LOXL2: variants seen among roughly 807,000 people sequenced by gnomAD.
LOXL2 encodes lysyl oxidase homolog 2.
Under a neutral mutation model 93.0 loss-of-function variants are expected in LOXL2, and 70 were observed. That is an observed-to-expected ratio of 0.75 (90% CI 0.62 to 0.92). The LOEUF is 0.92. Among genes scored for constraint, LOXL2 ranks in the 40% least tolerant of loss-of-function variants. The pLI is 0.00. For missense variants in LOXL2, 973 were observed against 1,054.9 expected (o/e 0.92, Z 1.08); for synonymous variants, 438 against 413.2 (o/e 1.06, Z -0.73).
chr8:23,323,198 T>A (rs1008215251), intron 6 of LOXL2, among the ~76,000 whole-genome samples: 32 of 152,158 alleles, frequency 2.1e-4, no homozygotes, highest in African/African-American at 7.7e-4. Flanking sequence ...GCTGGAAGCA[T>A]CGAAGGACTA....
intron 5 of LOXL2, among the ~76,000 whole-genome samples, chr8:23,332,185 CA>C (rs1251236839): frequency 2.0e-5 from 3 of 149,790 alleles, no homozygotes; most frequent in Non-Finnish European, 4.5e-5. Context: ...CTCACACACA[CA>C]CACACACCCC....
chr8:23,367,856 G>A, intron 2 of LOXL2, 141 bp downstream of exon 2: 2 of 706,612 alleles, frequency 2.8e-6, no homozygotes, highest in Non-Finnish European at 4.7e-6. Context: ...GGGCACAGAA[G>A]GATGCCAGTC....
At chr8:23,301,849 C>T (rs1803137309) in intron 12 of LOXL2, among the ~76,000 whole-genome samples, 178 bp downstream of exon 12, 1 of 152,132 alleles carries the variant, frequency 6.6e-6, no homozygotes, top group African/African-American at 2.4e-5. Context: ...TTTCTCAGGC[C>T]CCCATGCCTG....
rs913475241 is a variant in LOXL2 at position 23,296,948 on chromosome 8, C to T, written c.*1095G>A. Among the ~76,000 whole-genome samples, 3 of 152,174 alleles carry T rather than the reference C, an allele frequency of 2.0e-5. No homozygotes were observed. The highest frequency in any genetic ancestry group is 7.2e-5 in the African/African-American group (3 of 41,436). On this transcript the variant is annotated 3_prime_UTR_variant, in exon 14 of 14. Coordinates refer to ENST00000389131, the MANE Select transcript of LOXL2 (RefSeq NM_002318.3). Reference sequence around the variant, plus strand: ...TCAAGAAAGATTATGACTCCTGTTCCGTTACTTTTTGTGATCTCCTTAGAT... The same window carrying T: ...TCAAGAAAGATTATGACTCCTGTTCTGTTACTTTTTGTGATCTCCTTAGAT...
chr8:23,315,970 G>C (rs1022134383), intron 9 of LOXL2, among the ~76,000 whole-genome samples: 1 of 152,182 alleles, frequency 6.6e-6, no homozygotes, highest in Non-Finnish European at 1.5e-5. Context: ...GCTTTCCCCC[G>C]GGGAGCTGGT....
At chr8:23,325,221 T>C (rs997314572) in intron 6 of LOXL2, among the ~76,000 whole-genome samples, 1 of 152,240 alleles carries the variant, frequency 6.6e-6, no homozygotes, top group African/African-American at 2.4e-5. Context: ...AAATACATTA[T>C]TAAAGCTAAC....
intron 3 of LOXL2, among the ~76,000 whole-genome samples, chr8:23,353,107 A>T (rs1464228025): frequency 6.6e-6 from 1 of 152,220 alleles, no homozygotes; most frequent in African/African-American, 2.4e-5. Context: ...CAGCCCAGCC[A>T]CAAGGCTTCC....
At chr8:23,340,175 T>C (rs1803858675) in intron 4 of LOXL2, among the ~76,000 whole-genome samples, 1 of 152,158 alleles carries the variant, frequency 6.6e-6, no homozygotes, top group Non-Finnish European at 1.5e-5. Context: ...CTTTCTCCAG[T>C]TTACTCAACT....
At chr8:23,309,135 C>G (rs1803280329) in intron 10 of LOXL2, among the ~76,000 whole-genome samples, 1 of 151,980 alleles carries the variant, frequency 6.6e-6, no homozygotes, top group African/African-American at 2.4e-5. Context: ...TAGGCATCCA[C>G]CACCATGCCC....
intron 3 of LOXL2, among the ~76,000 whole-genome samples, chr8:23,348,916 G>C (rs1804042233): frequency 1.3e-5 from 2 of 151,958 alleles, no homozygotes; most frequent in Admixed American, 6.6e-5. Context: ...CAACAACAGT[G>C]GCCTCCCAGA....
chr8:23,358,407 A>G (rs1804232351), intron 3 of LOXL2, among the ~76,000 whole-genome samples: 1 of 152,260 alleles, frequency 6.6e-6, no homozygotes, highest in African/African-American at 2.4e-5. Flanking sequence ...TAAAGGCCAC[A>G]GTCTTGGGAG....
chr8:23,344,188 C>T lies in LOXL2; in HGVS notation c.532-2985G>A, dbSNP rs536413116. ...CCAAGGGAGCTTGCTCTCGTTCCTG[C>T]GATGATGCGGGACAGTTTCCTCCGC... On this transcript the variant is annotated intron_variant, in intron 3 of 13. Transcript: ENST00000389131. Among the ~76,000 whole-genome samples the T allele has an allele frequency of 3.3e-5, 5 of 152,320 alleles. No homozygotes were observed. The South Asian group carries it at 1.0e-3, about 32-fold the overall frequency.
chr8:23,316,206 C>A (rs1803399634), intron 9 of LOXL2, among the ~76,000 whole-genome samples: 2 of 152,224 alleles, frequency 1.3e-5, no homozygotes, highest in South Asian at 4.1e-4. Context: ...AATTGTCACA[C>A]TTGATTTCTA....
chr8:23,362,100 G>C (rs796769841), intron 2 of LOXL2, among the ~76,000 whole-genome samples: 4 of 152,190 alleles, frequency 2.6e-5, no homozygotes, highest in African/African-American at 9.7e-5. Context: ...CCAAGAGGTG[G>C]AAGCAACCCA....
chr8:23,395,177 C>G (rs1441295373), intron 1 of LOXL2, among the ~76,000 whole-genome samples: 1 of 152,024 alleles, frequency 6.6e-6, no homozygotes, highest in Non-Finnish European at 1.5e-5. Flanking sequence ...TCGCTTGAAC[C>G]TGGGAGACGG....
In LOXL2 at chr8:23,341,222, G is replaced by T. The variant is rs1409204798; in HGVS notation, c.532-19C>A. The T allele has an allele frequency of 1.3e-6, 2 of 1,590,274 alleles. No homozygotes were observed. Among genetic ancestry groups the T allele is most frequent in the Non-Finnish European group, 1.7e-6 (2 of 1,159,852 alleles). ...TCAGGTTCTGGGAAGAAAGAGGCGTGGAAGGAGAGGGTTACCCTACTGGCC... is the reference window on the plus strand; with the variant it reads ...TCAGGTTCTGGGAAGAAAGAGGCGTTGAAGGAGAGGGTTACCCTACTGGCC... On this transcript the variant is annotated intron_variant, in intron 3 of 13. Coordinates refer to ENST00000389131, the MANE Select transcript of LOXL2 (RefSeq NM_002318.3).
intron 1 of LOXL2, among the ~76,000 whole-genome samples, chr8:23,388,407 G>A (rs1041297152): frequency 3.3e-5 from 5 of 151,980 alleles, no homozygotes; most frequent in African/African-American, 1.2e-4. Context: ...GGGAGATCCT[G>A]TCTCTACAAA....
chr8:23,378,531 G>A (rs1804626628), intron 1 of LOXL2, among the ~76,000 whole-genome samples: 1 of 152,248 alleles, frequency 6.6e-6, no homozygotes, highest in Non-Finnish European at 1.5e-5. Context: ...ATCCTGCAGA[G>A]TGTTTTCCAA....
intron 9 of LOXL2, among the ~76,000 whole-genome samples, chr8:23,313,095 G>T (rs1357367355): frequency 6.6e-6 from 1 of 151,756 alleles, no homozygotes; most frequent in African/African-American, 2.4e-5. Context: ...ACTTACAAGG[G>T]ATGTGAAGGA....
Sources: allele counts gnomAD v4.1 joint callset (sites outside exome capture counted in the v4.1 genomes callset), GRCh38; gene constraint gnomAD v4.1.1; transcripts MANE v1.5; gene names NCBI Gene and HGNC (gene_info 2026-07-23, HGNC 2026-07-21).